TENM4: variants seen among roughly 807,000 people sequenced by gnomAD.
The protein encoded by TENM4 is teneurin-4.
TENM4 carries 82 observed loss-of-function variants against 243.3 expected under a neutral mutation model. The ratio of observed to expected loss-of-function variants is 0.34; its 90% CI spans 0.28 to 0.40. The LOEUF (loss-of-function observed/expected upper bound fraction) is 0.40. Ranked by LOEUF, TENM4 falls within the 10% of genes least tolerant of loss-of-function variation. TENM4 has a pLI of 1.00. For synonymous variants in TENM4, 1,412 were observed against 1,456.3 expected (o/e 0.97, Z 0.69); for missense variants, 3,138 against 3,673.3 (o/e 0.85, Z 3.77).
At chr11:78,876,644 A>G (rs1403380929) in intron 9 of TENM4, among the ~76,000 whole-genome samples, 1 of 152,210 alleles carries the variant, frequency 6.6e-6, no homozygotes, top group African/African-American at 2.4e-5. Context: ...TACCTTTATC[A>G]TCTGCATAGA....
At position 79,044,298 on chromosome 11, in the gene TENM4, T is replaced by C. The variant is rs573816808; in HGVS notation, c.493+20440A>G. Among the ~76,000 whole-genome samples, 3 of 152,326 alleles carry C rather than the reference T, an allele frequency of 2.0e-5. No homozygotes were observed. The South Asian group carries it at 6.2e-4, about 32-fold the overall frequency. ...GAATGTCATTCCAAAGTCACAGGTT[T>C]GTGAAATTACTGCTTGGCAAGAAGG... On this transcript the variant is annotated intron_variant, in intron 6 of 33. Coordinates refer to ENST00000278550, the MANE Select transcript of TENM4 (RefSeq NM_001098816.3).
chr11:78,897,800 T>C (rs190152024), intron 7 of TENM4, among the ~76,000 whole-genome samples: 2 of 152,318 alleles, frequency 1.3e-5, no homozygotes, highest in East Asian at 3.9e-4. Flanking sequence ...GTGTGTGCCA[T>C]TCTGGGAACC....
chr11:79,246,996 A>AC (rs1184412112), intron 2 of TENM4, among the ~76,000 whole-genome samples: 2 of 123,784 alleles, frequency 1.6e-5, no homozygotes, highest in Non-Finnish European at 1.7e-5. Context: ...AAAAAAAAAA[A>AC]AACACCCCCC....
intron 2 of TENM4, among the ~76,000 whole-genome samples, chr11:79,285,252 T>TG (rs577741078): frequency 1.4e-5 from 2 of 146,674 alleles, no homozygotes; most frequent in Admixed American, 6.8e-5. Flanking sequence ...AATAAATAAA[T>TG]AAAAAAAAAG....
At chr11:79,030,282 T>C (rs2136849606) in intron 6 of TENM4, among the ~76,000 whole-genome samples, 1 of 152,200 alleles carries the variant, frequency 6.6e-6, no homozygotes, top group South Asian at 2.1e-4. Context: ...TAAAGGGAAA[T>C]TGAGCCTCGA....
At chr11:79,147,964 C>T (rs557789149) in intron 4 of TENM4, among the ~76,000 whole-genome samples, 49 of 152,184 alleles carry the variant, frequency 3.2e-4, no homozygotes, top group Non-Finnish European at 6.3e-4. Flanking sequence ...AGGTCAGAGG[C>T]ATGGTAGTGA....
chr11:78,748,362 A>G (rs1444594084), intron 19 of TENM4, among the ~76,000 whole-genome samples: 1 of 152,246 alleles, frequency 6.6e-6, no homozygotes, highest in African/African-American at 2.4e-5. Flanking sequence ...GTCTAAGGTC[A>G]CACAGCTAGC....
intron 6 of TENM4, among the ~76,000 whole-genome samples, chr11:78,914,107 T>A (rs1326429579): frequency 6.6e-6 from 1 of 152,222 alleles, no homozygotes; most frequent in Non-Finnish European, 1.5e-5. Flanking sequence ...TCAACGGTCC[T>A]AGATGGAAGA....
At chr11:79,287,123 GCTA>G (rs1856270427) in intron 2 of TENM4, among the ~76,000 whole-genome samples, 1 of 152,192 alleles carries the variant, frequency 6.6e-6, no homozygotes, top group Non-Finnish European at 1.5e-5. Context: ...CTCAGAGAAT[GCTA>G]CTAAGGAAAG....
At chr11:79,318,462 C>T (rs1303288668) in intron 1 of TENM4, among the ~76,000 whole-genome samples, 1 of 152,046 alleles carries the variant, frequency 6.6e-6, no homozygotes, top group African/African-American at 2.4e-5. Flanking sequence ...ACTGACTTTC[C>T]AGAAGAGGGG....
In TENM4 at chr11:79,285,170, A is replaced by G. The variant is rs182381747; in HGVS notation, c.-265+12318T>C. Reference sequence around the variant, plus strand: ...GGAGAATTGCTTTAACCTGGGAGGCAGAGGTTGCAGTGAGCCAAGATCTTG... The same window carrying G: ...GGAGAATTGCTTTAACCTGGGAGGCGGAGGTTGCAGTGAGCCAAGATCTTG... On this transcript the variant is annotated intron_variant, in intron 2 of 33. Transcript: ENST00000278550. 2.3e-3 allele frequency among the ~76,000 whole-genome samples: 343 copies of G among 152,246 alleles called. 2 individuals carry two copies. Among genetic ancestry groups the G allele is most frequent in the African/African-American group, 7.9e-3 (330 of 41,542 alleles).
intron 6 of TENM4, among the ~76,000 whole-genome samples, chr11:79,044,945 A>G (rs564681871): frequency 6.6e-6 from 1 of 152,294 alleles, no homozygotes; most frequent in South Asian, 2.1e-4. Context: ...ATAGAAAAGT[A>G]TACATAAAAC....
intron 1 of TENM4, among the ~76,000 whole-genome samples, chr11:79,404,627 AT>A (rs992227371): frequency 1.3e-5 from 2 of 151,988 alleles, no homozygotes; most frequent in Non-Finnish European, 2.9e-5. Flanking sequence ...ATTTTACCTC[AT>A]TTTTTTTAGA....
At chr11:78,976,374 G>A (rs1211955131) in intron 6 of TENM4, among the ~76,000 whole-genome samples, 1 of 152,246 alleles carries the variant, frequency 6.6e-6, no homozygotes, top group South Asian at 2.1e-4. Context: ...TTTATCATCT[G>A]TGGAGTTTCT....
chr11:78,983,217 T>C (rs1857841670), intron 6 of TENM4, among the ~76,000 whole-genome samples: 1 of 152,218 alleles, frequency 6.6e-6, no homozygotes, highest in Admixed American at 6.5e-5. Flanking sequence ...CACTCACTCA[T>C]TCAACAAGTA....
intron 2 of TENM4, among the ~76,000 whole-genome samples, chr11:79,247,485 A>AGGCG (rs1023778824): frequency 6.6e-6 from 1 of 150,970 alleles, no homozygotes; most frequent in African/African-American, 2.4e-5. Flanking sequence ...AATGACCTGG[A>AGGCG]GGCGGGGCCT....
At chr11:78,921,457 G>A (rs568807434) in intron 6 of TENM4, among the ~76,000 whole-genome samples, 5 of 152,190 alleles carry the variant, frequency 3.3e-5, no homozygotes, top group East Asian at 3.9e-4. Flanking sequence ...GATGTCGAAA[G>A]CCTCCATGAA....
intron 4 of TENM4, among the ~76,000 whole-genome samples, chr11:79,112,280 T>G (rs1311896313): frequency 2.6e-5 from 4 of 152,144 alleles, no homozygotes; most frequent in Non-Finnish European, 5.9e-5. Context: ...CTCTGAGATG[T>G]AAAGATTCTC....
At chr11:79,017,586 G>A (rs60118505) in intron 6 of TENM4, among the ~76,000 whole-genome samples, 3,910 of 152,208 alleles carry the variant, frequency 0.026, 163 homozygotes, top group African/African-American at 0.09. Context: ...TGGGAATGGT[G>A]GGGGGAGAAG....
Sources: gnomAD v4.1 joint callset for allele counts (sites outside exome capture counted in the v4.1 genomes callset) on GRCh38, gnomAD v4.1.1 for gene constraint, MANE v1.5 for transcripts, NCBI Gene and HGNC (gene_info 2026-07-23, HGNC 2026-07-21) for gene names.